DPH1: variants seen among roughly 807,000 people sequenced by gnomAD.
The protein encoded by DPH1 is 2-(3-amino-3-carboxypropyl)histidine synthase subunit 1.
DPH1 carries 59 observed loss-of-function variants against 55.3 expected under a neutral mutation model. That is an observed-to-expected ratio of 1.07 (90% CI 0.87 to 1.33). The LOEUF (loss-of-function observed/expected upper bound fraction) is 1.33, where lower values mean the gene tolerates loss of function less well. DPH1 is among the 40% of genes most tolerant of loss of function. The pLI is 0.00. For synonymous variants in DPH1, 238 were observed against 235.5 expected, an observed-to-expected ratio of 1.01 and a Z score of -0.10; for missense variants, 628 against 584.8, an observed-to-expected ratio of 1.07 and a Z score of -0.76.
chr17:2,042,909 G>A lies in DPH1; in HGVS notation c.*323G>A, dbSNP rs769274661. On this transcript the variant is annotated 3_prime_UTR_variant, in exon 13 of 13. Coordinates refer to ENST00000263083, the MANE Select transcript of DPH1 (RefSeq NM_001383.6). Reference sequence around the variant, plus strand: ...GCATTGGGTTCAAGGAATCCATCCTGCAAAGGCCCTTGTCATTGCCTTCGC... The same window carrying A: ...GCATTGGGTTCAAGGAATCCATCCTACAAAGGCCCTTGTCATTGCCTTCGC... 2 of 1,614,182 alleles carry A rather than the reference G, an allele frequency of 1.2e-6. No homozygotes were observed. The highest frequency in any genetic ancestry group is 8.5e-7 in the Non-Finnish European group (1 of 1,180,042).
At chr17:2,041,967 C>T (rs765897317) in intron 12 of DPH1, 92 bp downstream of exon 12, 17 of 1,514,944 alleles carry the variant, frequency 1.1e-5, no homozygotes, top group Non-Finnish European at 1.5e-5. Context: ...GCGGTGCTGA[C>T]GTTCGGTTCC....
chr17:2,041,675 G>A (rs1321726298), intron 11 of DPH1, 54 bp downstream of exon 11: 3 of 1,579,268 alleles, frequency 1.9e-6, no homozygotes, highest in East Asian at 4.6e-5. Flanking sequence ...ACTGGCCGCC[G>A]CCCTGCGACC....
At chr17:2,040,193 G>A (rs2067493150) in intron 7 of DPH1, 25 bp from the exon 8 acceptor site, 1 of 1,612,074 alleles carries the variant, frequency 6.2e-7, no homozygotes, top group African/African-American at 1.3e-5. Context: ...GGCTGCCACA[G>A]TGACCCTGAC....
chr17:2,035,423 CCGG>C (rs1567543824), intron 3 of DPH1, among the ~76,000 whole-genome samples: 1 of 54,148 alleles, frequency 1.8e-5, no homozygotes, highest in Non-Finnish European at 3.9e-5. Context: ...TAGTGGGGGT[CCGG>C]ACGAGAGGGC....
chr17:2,043,107 G>A lies in DPH1; in HGVS notation c.*521G>A, dbSNP rs750062925. ...TCTTGGACCAGTTTGCAGAGTGAAA[G>A]ATCAAGAAATGTCTCTGCTCCTACA... On this transcript the variant is annotated 3_prime_UTR_variant, in exon 13 of 13. Coordinates refer to ENST00000263083, the MANE Select transcript of DPH1 (RefSeq NM_001383.6). 1 of 1,612,070 alleles carries A rather than the reference G, an allele frequency of 6.2e-7. No individual in the cohort carries two copies. The highest frequency in any genetic ancestry group is 8.5e-7 in the Non-Finnish European group (1 of 1,178,994).
chr17:2,035,032 G>C (rs1449368516), intron 3 of DPH1: 1 of 151,730 alleles, frequency 6.6e-6, no homozygotes, highest in East Asian at 2.0e-4. Flanking sequence ...TGAATAATCT[G>C]CTTCTGGGCA....
At chr17:2,042,207 CCCGAGGGCG>C in intron 12 of DPH1, 7 of 1,432,116 alleles carry the variant, frequency 4.9e-6, no homozygotes, top group South Asian at 4.3e-5. Context: ...CCCCCCGGGC[CCCGAGGGCG>C]CCAGATCAGA....
In DPH1 at chr17:2,041,894, G is replaced by C. The variant is rs779979369; in HGVS notation, c.*18+19G>C. ...GCCTCAGGTATCAGCCCCCGCTCTG[G>C]GTGCGCCCCGCCTTTTGCCGTTGTC... On this transcript the variant is annotated intron_variant, in intron 12 of 12. Coordinates refer to ENST00000263083, the MANE Select transcript of DPH1 (RefSeq NM_001383.6). The C allele has an allele frequency of 4.5e-6, 7 of 1,553,386 alleles. No individual in the cohort carries two copies. The highest frequency in any genetic ancestry group is 6.1e-6 in the Non-Finnish European group (7 of 1,154,128).
rs760608696 is a variant in DPH1, at chr17:2,040,501, A to T, written c.907-4A>T. On this transcript the variant is annotated splice_region_variant and splice_polypyrimidine_tract_variant and intron_variant, in intron 8 of 12. Coordinates refer to ENST00000263083, the MANE Select transcript of DPH1 (RefSeq NM_001383.6). ...ACCCCCACCCTGCCTCCCTCTCCCA[A>T]CAGCACCTGGAATCTCGACTCCGAG... 1 of 1,614,072 alleles carries T rather than the reference A, an allele frequency of 6.2e-7. No homozygotes were observed. Among genetic ancestry groups the T allele is most frequent in the Non-Finnish European group, 8.5e-7 (1 of 1,180,016 alleles).
chr17:2,042,638 G>A lies in DPH1; in HGVS notation c.*52G>A, dbSNP rs758236126. The A allele has an allele frequency of 4.6e-6, 7 of 1,520,902 alleles. No individual in the cohort carries two copies. Among genetic ancestry groups the A allele is most frequent in the South Asian group, 1.3e-5 (1 of 74,822 alleles). 94.2% of individuals were successfully genotyped at this position (1,520,902 alleles called of 1,614,324 possible). A position where few individuals can be genotyped will look rare whatever the true frequency, so the allele number is the denominator to read the frequency against. Reference sequence around the variant, plus strand: ...CCTCCGGAGGAGCAGCCTCGAGGCTGGTGGTTTTCAGAGCAGGAGGCCGAC... The same window carrying A: ...CCTCCGGAGGAGCAGCCTCGAGGCTAGTGGTTTTCAGAGCAGGAGGCCGAC... On this transcript the variant is annotated 3_prime_UTR_variant, in exon 13 of 13. Coordinates refer to ENST00000263083, the MANE Select transcript of DPH1 (RefSeq NM_001383.6).
upstream of DPH1, chr17:2,030,136 G>T (rs565523696): frequency 5.0e-6 from 8 of 1,588,840 alleles, 1 homozygote; most frequent in South Asian, 8.0e-5. Flanking sequence ...TTCTTCCAGC[G>T]CTGTCTTTTT....
chr17:2,038,782 T>C (rs1403775430), intron 6 of DPH1, among the ~76,000 whole-genome samples: 1 of 152,206 alleles, frequency 6.6e-6, no homozygotes, highest in African/African-American at 2.4e-5. Flanking sequence ...TCCACATCTG[T>C]ATTGAGCTTG....
At chr17:2,042,414 CCTTCACCGTCTT>C in intron 12 of DPH1, 179 bp from the exon 13 acceptor site, 1 of 1,249,536 alleles carries the variant, frequency 8.0e-7, no homozygotes, top group East Asian at 2.9e-5. Flanking sequence ...CAGGCTTCCG[CCTTCACCGTCTT>C]CCTCCGCTGT....
At chr17:2,040,693 T>C in intron 9 of DPH1, 88 bp downstream of exon 9, 2 of 1,442,786 alleles carry the variant, frequency 1.4e-6, no homozygotes, top group Non-Finnish European at 1.9e-6. Flanking sequence ...CCAACAGGAA[T>C]TGCTTCCATG....
intron 1 of DPH1, among the ~76,000 whole-genome samples, chr17:2,030,665 G>A (rs2067318983): frequency 6.6e-6 from 1 of 152,234 alleles, no homozygotes; most frequent in Non-Finnish European, 1.5e-5. Context: ...ACTAGAATCA[G>A]AGATCTCAGT....
chr17:2,042,666 T>TTTCTCCGCATTGGAAGAGCCCGCCGTC lies in DPH1; in HGVS notation c.*82_*108dup. On this transcript the variant is annotated 3_prime_UTR_variant, in exon 13 of 13. Transcript: ENST00000263083. ...GGTTTTCAGAGCAGGAGGCCGACGT[T>TTTCTCCGCATTGGAAGAGCCCGCCGTC]TTCTCCGCATTGGAAGAGCCCGCCG... 1 of 1,524,206 alleles carries TTTCTCCGCATTGGAAGAGCCCGCCGTC rather than the reference T, an allele frequency of 6.6e-7. No homozygotes were observed. The highest frequency in any genetic ancestry group is 8.8e-7 in the Non-Finnish European group (1 of 1,139,260). 94.4% of individuals were successfully genotyped at this position (1,524,206 alleles called of 1,614,324 possible).
Position 2,037,442 on chromosome 17 carries a change from G to T in DPH1, c.680+486G>T, listed in dbSNP as rs529993312. Reference sequence around the variant, plus strand: ...AGTCCCGTTCCGTACTAATGGCAGGGAGGGAGGGTCGCTCCCTGACTCAGT... The same window carrying T: ...AGTCCCGTTCCGTACTAATGGCAGGTAGGGAGGGTCGCTCCCTGACTCAGT... On this transcript the variant is annotated intron_variant, in intron 6 of 12. Transcript: ENST00000263083. Among the ~76,000 whole-genome samples, 7 of 152,322 alleles carry T rather than the reference G, an allele frequency of 4.6e-5. No individual in the cohort carries two copies. The East Asian group carries it at 1.2e-3, about 25-fold the overall frequency.
chr17:2,042,188 G>T, intron 12 of DPH1: 2 of 1,434,724 alleles, frequency 1.4e-6, no homozygotes, highest in East Asian at 2.8e-5. Context: ...GCCCGCACCC[G>T]GTCCCCGACC....
rs750345412 is a variant in DPH1 at position 2,041,625 on chromosome 17, G to A, written c.1227+4G>A. On this transcript the variant is annotated splice_donor_region_variant and intron_variant, in intron 11 of 12. Transcript: ENST00000263083. ...GGGCCGGCCCGCGCGGGGGAAGGTAGGCGGGGGCTTCCAGGAGGGAGGAGA... is the reference window on the plus strand; with the variant it reads ...GGGCCGGCCCGCGCGGGGGAAGGTAAGCGGGGGCTTCCAGGAGGGAGGAGA... The A allele has an allele frequency of 1.2e-5, 20 of 1,602,012 alleles. No homozygotes were observed. In the East Asian group the frequency reaches 1.8e-4, roughly 14 times the overall value.
Sources: gnomAD v4.1 joint callset for allele counts (sites outside exome capture counted in the v4.1 genomes callset) on GRCh38, gnomAD v4.1.1 for gene constraint, MANE v1.5 for transcripts, NCBI Gene and HGNC (gene_info 2026-07-23, HGNC 2026-07-21) for gene names.